Variants in ZNF418 observed in about 807,000 individuals in gnomAD.
The protein encoded by ZNF418 is zinc finger protein 418.
ZNF418 carries 32 observed loss-of-function variants against 32.0 expected under a neutral mutation model. The observed-to-expected ratio is 1.00, with a 90% CI of 0.75 to 1.34. The LOEUF (loss-of-function observed/expected upper bound fraction) is 1.34, where lower values mean the gene tolerates loss of function less well. Among genes scored for constraint, ZNF418 ranks in the 40% most tolerant of loss-of-function variants. The pLI, the probability that ZNF418 is intolerant of heterozygous loss-of-function variation, is 0.00. For synonymous variants in ZNF418, 276 were observed against 270.7 expected, an observed-to-expected ratio of 1.02 and a Z score of -0.19; for missense variants, 804 against 812.5, an observed-to-expected ratio of 0.99 and a Z score of 0.13.
chr19:57,934,071 C>A, intron 1 of ZNF418, 169 bp from the exon 2 acceptor site: 1 of 1,425,534 alleles, frequency 7.0e-7, no homozygotes, highest in East Asian at 2.5e-5. Context: ...CATCCTGTGT[C>A]ATGGACTTAG....
chr19:57,923,975 G>T (rs565377546), intron 4 of ZNF418, among the ~76,000 whole-genome samples: 27 of 151,656 alleles, frequency 1.8e-4, no homozygotes, highest in African/African-American at 6.5e-4. Context: ...TGGCTTTAAA[G>T]AATTGATTCA....
rs2072646630 is a variant in ZNF418 at position 57,935,158 on chromosome 19, T to TA, written c.-81+2dup. On this transcript the variant is annotated splice_region_variant and intron_variant, in intron 1 of 5. Coordinates refer to ENST00000396147, the MANE Select transcript of ZNF418 (RefSeq NM_133460.3). The stretch of plus-strand genomic sequence containing the variant: ...GACCTGAGGGCAGGGAAGGCACAAT[T>TA]ACCTGAGCCGGGAGCCTCAGCGCGG... 1 of 1,307,544 alleles carries TA rather than the reference T, an allele frequency of 7.6e-7. No individual in the cohort carries two copies. Among genetic ancestry groups the TA allele is most frequent in the African/African-American group, 1.5e-5 (1 of 65,558 alleles). The allele number at this position is 1,307,544 out of a possible 1,614,324, so 81.0% of individuals were successfully genotyped here.
intron 2 of ZNF418, 58 bp downstream of exon 2, chr19:57,933,757 CTG>C: frequency 6.2e-7 from 1 of 1,601,356 alleles, no homozygotes. Flanking sequence ...ATTTTACAAA[CTG>C]TGAATCTTGA....
rs1600169085 is a variant in ZNF418 at position 57,927,145 on chromosome 19, C to T, written c.1036G>A (p.Glu346Lys). The T allele has an allele frequency of 3.7e-6, 6 of 1,614,178 alleles. No homozygotes were observed. Among genetic ancestry groups the T allele is most frequent in the Non-Finnish European group, 4.2e-6 (5 of 1,180,022 alleles). ...TTCTGAGTAAAACATTTCCCACATT[C>T]TTCACACTCATAAGGTCTTTCTCCA... ...HTGERPYECE[E>K]CGKCFTQKGN... The change falls in exon 4 of 6, where the codon GAA (glutamate) becomes AAA (lysine). Residue 346 changes from glutamate to lysine, a missense_variant. Transcript: ENST00000396147.
chr19:57,933,989 C>G, intron 1 of ZNF418, 87 bp from the exon 2 acceptor site: 1 of 1,565,838 alleles, frequency 6.4e-7, no homozygotes, highest in Non-Finnish European at 8.6e-7. Flanking sequence ...CATTTCATGA[C>G]CTGGTACCAA....
At chr19:57,934,869 C>T in intron 1 of ZNF418, 1 of 449,382 alleles carries the variant, frequency 2.2e-6, no homozygotes, top group Non-Finnish European at 3.7e-6. Context: ...CAGCCCCCAG[C>T]CTGCTCTTCC....
At position 57,926,258 on chromosome 19, in the gene ZNF418, G is replaced by A; in HGVS notation, c.1923C>T (p.His641=). The part of the protein sequence containing the change: ...TFSLTEHRRV[H]TGERPYECSE... ...TGCACTCATAAGGCCTTTCTCCAGT[G>A]TGTACTCTCCTGTGTTCAGTAAGAC... Residue 641 remains histidine (H), a synonymous_variant, in exon 4 of 6, where the codon CAC becomes CAT. Coordinates refer to ENST00000396147, the MANE Select transcript of ZNF418 (RefSeq NM_133460.3). 6.2e-7 allele frequency: 1 copy of A among 1,613,692 alleles called. No individual in the cohort carries two copies. Among genetic ancestry groups the A allele is most frequent in the East Asian group, 2.2e-5 (1 of 44,866 alleles).
chr19:57,928,716 G>A (rs566697429), intron 3 of ZNF418, among the ~76,000 whole-genome samples: 8 of 152,078 alleles, frequency 5.3e-5, no homozygotes, highest in East Asian at 1.9e-4. Context: ...ACACTTGGCC[G>A]GGTGCGGTGG....
At chr19:57,925,219 G>A (rs2072161053) in intron 4 of ZNF418, among the ~76,000 whole-genome samples, 1 of 152,140 alleles carries the variant, frequency 6.6e-6, no homozygotes, top group African/African-American at 2.4e-5. Context: ...CCAGCATTTT[G>A]GGAGGCCAAG....
chr19:57,928,720 G>A (rs1019341887), intron 3 of ZNF418, among the ~76,000 whole-genome samples: 2 of 152,090 alleles, frequency 1.3e-5, no homozygotes, highest in Non-Finnish European at 2.9e-5. Context: ...TTGGCCGGGT[G>A]CGGTGGCTCA....
rs770983750 is a variant in ZNF418, at chr19:57,935,131, G to A, written c.-81+30C>T. The A allele has an allele frequency of 9.2e-6, 12 of 1,304,640 alleles. No individual in the cohort carries two copies. In the East Asian group the frequency reaches 5.1e-4, roughly 55 times the overall value. 80.8% of individuals were successfully genotyped at this position (1,304,640 alleles called of 1,614,324 possible). The stretch of plus-strand genomic sequence containing the variant: ...GCTTCAGGATTCGGGTTAGGATGAG[G>A]TGACCTGAGGGCAGGGAAGGCACAA... On this transcript the variant is annotated intron_variant, in intron 1 of 5. Coordinates refer to ENST00000396147, the MANE Select transcript of ZNF418 (RefSeq NM_133460.3).
chr19:57,926,941 T>C lies in ZNF418; in HGVS notation c.1240A>G (p.Arg414Gly), dbSNP rs779847980. ...GKSFSRKGHL[R>G]NHQRGHTGER... is the part of the protein sequence containing the mutation. ...CCAGTGTGACCTCGCTGATGGTTCC[T>C]AAGGTGTCCCTTTCGACTAAAAGAT... is the stretch of plus-strand genomic sequence containing the variant. Residue 414 changes from arginine to glycine, a missense_variant, in exon 4 of 6, where the codon AGG becomes GGG. By Grantham distance (125) the Arg-to-Gly change is moderately radical. Around this residue, in one of 3 missense-constraint regions of ZNF418, gnomAD observed 475 missense variants for 458.6 expected, o/e 1.04. Transcript: ENST00000396147. 1.9e-5 allele frequency: 30 copies of C among 1,613,618 alleles called. No homozygotes were observed. The Middle Eastern group carries it at 4.9e-4, about 27-fold the overall frequency.
At position 57,922,483 on chromosome 19, in the gene ZNF418, C is replaced by T; in HGVS notation, c.*772G>A. ...TATTTACCCATGACTTCCACGGTGG[C>T]TCTTCTGTAAGGAAATGCTTGAACC... On this transcript the variant is annotated 3_prime_UTR_variant, in exon 6 of 6. Coordinates refer to ENST00000396147, the MANE Select transcript of ZNF418 (RefSeq NM_133460.3). 1 of 398,074 alleles carries T rather than the reference C, an allele frequency of 2.5e-6. No homozygotes were observed. The highest frequency in any genetic ancestry group is 4.4e-6 in the Non-Finnish European group (1 of 225,794). The allele number at this position is 398,074 out of a possible 1,614,324, so 24.7% of individuals were successfully genotyped here. A position where few individuals can be genotyped will look rare whatever the true frequency, so the allele number is the denominator to read the frequency against.
rs368350857 is a variant in ZNF418, at chr19:57,930,558, C to A, written c.7-4G>T. On this transcript the variant is annotated splice_polypyrimidine_tract_variant and splice_region_variant and intron_variant, in intron 2 of 5. Coordinates refer to ENST00000396147, the MANE Select transcript of ZNF418 (RefSeq NM_133460.3). Reference sequence around the variant, plus strand: ...CATCTTCAAATGCCACAGTGCCCTGCTATGATGGTGACAGATGAAACCACA... The same window carrying A: ...CATCTTCAAATGCCACAGTGCCCTGATATGATGGTGACAGATGAAACCACA... 2.5e-6 allele frequency: 4 copies of A among 1,613,828 alleles called. No individual in the cohort carries two copies. The African/African-American group carries it at 5.3e-5, about 22-fold the overall frequency.
intron 4 of ZNF418, among the ~76,000 whole-genome samples, chr19:57,924,512 C>A (rs1025244143): frequency 2.0e-5 from 3 of 152,218 alleles, no homozygotes; most frequent in African/African-American, 7.2e-5. Flanking sequence ...ACCTGACAGT[C>A]CACCACATAC....
chr19:57,934,726 A>T, intron 1 of ZNF418: 1 of 220,658 alleles, frequency 4.5e-6, no homozygotes, highest in Middle Eastern at 1.5e-3. Context: ...AACCTCCCAG[A>T]ACCCTAAGGT....
At chr19:57,935,065 G>A (rs2072640894) in intron 1 of ZNF418, 96 bp downstream of exon 1, 10 of 1,340,338 alleles carry the variant, frequency 7.5e-6, no homozygotes, top group Non-Finnish European at 9.7e-6. Flanking sequence ...CCGACGCCGG[G>A]TCCGGGCTGC....
chr19:57,934,105 A>G, intron 1 of ZNF418: 3 of 1,387,718 alleles, frequency 2.2e-6, no homozygotes, highest in Non-Finnish European at 2.8e-6. Context: ...GGGTTTCTCC[A>G]GTGTTCTCAG....
rs1241931991 is a variant in ZNF418, at chr19:57,927,668, G to C, written c.513C>G (p.Ser171Arg). 1.9e-6 allele frequency: 3 copies of C among 1,614,122 alleles called. No homozygotes were observed. The East Asian group carries it at 6.7e-5, about 36-fold the overall frequency. ...FIQSGKDFLP[S>R]SGLLLQEATH... ...TGGCCTCCTGCAGCAGTAATCCTGA[G>C]CTGGGCAAAAAGTCCTTTCCACTCT... Residue 171 changes from serine to arginine, a missense_variant, in exon 4 of 6, where the codon AGC becomes AGG. Ser to Arg is a moderately radical substitution (Grantham distance 110). Around this residue, in one of 3 missense-constraint regions of ZNF418, gnomAD observed 307 missense variants for 304.9 expected, o/e 1.01. Transcript: ENST00000396147.
Sources: allele counts gnomAD v4.1 joint callset (sites outside exome capture counted in the v4.1 genomes callset), GRCh38; gene constraint gnomAD v4.1.1; regional missense constraint gnomAD v4.1.1; transcripts MANE v1.5; gene names NCBI Gene and HGNC (gene_info 2026-07-23, HGNC 2026-07-21).